The following ARFGEF1 variants were observed in gnomAD, a reference collection of about 807,000 sequenced individuals.
ARFGEF1 encodes ARF guanine nucleotide exchange factor 1, also known as brefeldin A-inhibited guanine nucleotide-exchange protein 1.
ARFGEF1 carries 42 observed loss-of-function variants against 231.0 expected under a neutral mutation model. The ratio of observed to expected loss-of-function variants is 0.18; its 90% CI spans 0.14 to 0.24. ARFGEF1 has a LOEUF of 0.24. ARFGEF1 is among the 10% of genes least tolerant of loss of function. ARFGEF1 has a pLI of 1.00. For missense variants in ARFGEF1, 1,345 were observed against 2,192.0 expected (o/e 0.61, Z 7.72); for synonymous variants, 710 against 732.3 (o/e 0.97, Z 0.49).
intron 10 of ARFGEF1, 137 bp downstream of exon 10, chr8:67,271,565 G>C: frequency 1.5e-6 from 1 of 672,512 alleles, no homozygotes; most frequent in Non-Finnish European, 2.5e-6. Context: ...TTGAACAGGT[G>C]AATGAAAAAA....
At position 67,198,821 on chromosome 8, in the gene ARFGEF1, G is replaced by GT; in HGVS notation, c.*112dup. The GT allele has an allele frequency of 6.7e-7, 1 of 1,494,038 alleles. No homozygotes were observed. Among genetic ancestry groups the GT allele is most frequent in the Non-Finnish European group, 8.9e-7 (1 of 1,127,220 alleles). 92.5% of individuals were successfully genotyped at this position (1,494,038 alleles called of 1,614,324 possible). A position where few individuals can be genotyped will look rare whatever the true frequency, so the allele number is the denominator to read the frequency against. ...GTAAGACTTCTAAGCATCTTTACCAGTAACTCAGACACTGCAATCCAGAGA... is the reference window on the plus strand; with the variant it reads ...GTAAGACTTCTAAGCATCTTTACCAGTTAACTCAGACACTGCAATCCAGAGA... On this transcript the variant is annotated 3_prime_UTR_variant, in exon 39 of 39. Coordinates refer to ENST00000262215, the MANE Select transcript of ARFGEF1 (RefSeq NM_006421.5).
intron 1 of ARFGEF1, among the ~76,000 whole-genome samples, chr8:67,326,515 T>C (rs994181495): frequency 3.3e-5 from 5 of 152,238 alleles, no homozygotes; most frequent in Admixed American, 3.3e-4. Context: ...TACACACCTT[T>C]CTTAACTTAG....
chr8:67,203,959 TCA>T (rs1199121813), intron 35 of ARFGEF1, among the ~76,000 whole-genome samples: 3 of 152,274 alleles, frequency 2.0e-5, no homozygotes, highest in Non-Finnish European at 4.4e-5. Context: ...CTATCTCCAC[TCA>T]CTCAAAAACA....
chr8:67,327,527 C>G lies in ARFGEF1; in HGVS notation c.124+15637G>C, dbSNP rs1807891865. ...TATAGATGGGGTTTCACCACGTTGGCCAGGCTGGTCTCAAACTCCTGACTT... is the reference window on the plus strand; with the variant it reads ...TATAGATGGGGTTTCACCACGTTGGGCAGGCTGGTCTCAAACTCCTGACTT... On this transcript the variant is annotated intron_variant, in intron 1 of 38. Transcript: ENST00000262215. Among the ~76,000 whole-genome samples the G allele has an allele frequency of 2.0e-5, 3 of 152,064 alleles. No individual in the cohort carries two copies. The South Asian group carries it at 6.2e-4, about 31-fold the overall frequency.
chr8:67,204,668 C>T lies in ARFGEF1; in HGVS notation c.4959+12G>A, dbSNP rs1355035723. The T allele has an allele frequency of 6.2e-7, 1 of 1,606,388 alleles. No individual in the cohort carries two copies. Among genetic ancestry groups the T allele is most frequent in the Non-Finnish European group, 8.5e-7 (1 of 1,175,690 alleles). The stretch of plus-strand genomic sequence containing the variant: ...TTACACAAAAAAAGCAGCTGTCCTC[C>T]TATCTCCTTACCTGTGCTGCAGCTA... On this transcript the variant is annotated intron_variant, in intron 35 of 38. Transcript: ENST00000262215.
rs140089377 is a variant in ARFGEF1, at chr8:67,284,078, G to A, written c.1027+3877C>T. On this transcript the variant is annotated intron_variant, in intron 7 of 38. Transcript: ENST00000262215. ...GTAACAGCAAAACACTGGAAACAAC[G>A]TAAGTACAACAGGGGGCTGGCTGAA... 7.2e-5 allele frequency among the ~76,000 whole-genome samples: 11 copies of A among 152,270 alleles called. No homozygotes were observed. In the East Asian group the frequency reaches 1.3e-3, roughly 19 times the overall value.
intron 1 of ARFGEF1, among the ~76,000 whole-genome samples, chr8:67,329,577 A>AAAT (rs1563919118): frequency 2.0e-4 from 29 of 147,456 alleles, no homozygotes; most frequent in African/African-American, 7.0e-4. Flanking sequence ...AATAAATAAA[A>AAAT]AGAATTTTTT....
chr8:67,271,016 C>T (rs1400217727), intron 10 of ARFGEF1, among the ~76,000 whole-genome samples: 3 of 116,890 alleles, frequency 2.6e-5, no homozygotes, highest in African/African-American at 3.5e-5. Context: ...AAGAGGGAAA[C>T]TCCATCTCCA....
chr8:67,176,460 A>G (rs558213122), intron 5 of ARFGEF1, among the ~76,000 whole-genome samples: 72 of 152,292 alleles, frequency 4.7e-4, no homozygotes, highest in Middle Eastern at 6.8e-3. Flanking sequence ...TCGTCCCTTC[A>G]TCTGGTACAG....
At chr8:67,337,397 C>G (rs537101126) in intron 1 of ARFGEF1, among the ~76,000 whole-genome samples, 1 of 152,196 alleles carries the variant, frequency 6.6e-6, no homozygotes, top group South Asian at 2.1e-4. Flanking sequence ...CTCTGTTAAC[C>G]AACCCATCAG....
At position 67,238,394 on chromosome 8, in the gene ARFGEF1, G is replaced by A; in HGVS notation, c.3238C>T (p.Leu1080Phe). 1.2e-6 allele frequency: 2 copies of A among 1,613,594 alleles called. No homozygotes were observed. Among genetic ancestry groups the A allele is most frequent in the Non-Finnish European group, 8.5e-7 (1 of 1,179,826 alleles). Residue 1080 changes from leucine (L) to phenylalanine (F), a missense_variant, in exon 22 of 39, where the codon CTT becomes TTT. Transcript: ENST00000262215. Reference protein sequence around the residue: ...SGTVRGREGSLTGTKDQAPDE... With the variant: ...SGTVRGREGSFTGTKDQAPDE... ...GGAGCCTGATCTTTTGTTCCAGTAAGAGATCCTTCTCTGCCTCGCACTGTT... is the reference window on the plus strand; with the variant it reads ...GGAGCCTGATCTTTTGTTCCAGTAAAAGATCCTTCTCTGCCTCGCACTGTT...
rs778113322 is a variant in ARFGEF1 at position 67,203,099 on chromosome 8, AGTCCTCT to A, written c.5105_5111del (p.Gln1702LeufsTer17). ...GCAGCTTACCTGCTTTCCACAGGGC[AGTCCTCT>A]GTTCGTTGTTGGAATTAAACGCTTT... On this transcript the variant is annotated frameshift_variant, in exon 36 of 39. Transcript: ENST00000262215. LOFTEE classifies it high-confidence loss of function. 1 of 1,613,712 alleles carries A rather than the reference AGTCCTCT, an allele frequency of 6.2e-7. No homozygotes were observed. Among genetic ancestry groups the A allele is most frequent in the Admixed American group, 1.7e-5 (1 of 59,974 alleles).
intron 19 of ARFGEF1, among the ~76,000 whole-genome samples, chr8:67,242,965 G>C (rs1183039424): frequency 6.6e-6 from 1 of 152,204 alleles, no homozygotes; most frequent in African/African-American, 2.4e-5. Flanking sequence ...GGGAAGCACT[G>C]TGTCTTGTAG....
chr8:67,271,333 G>A (rs558281841), intron 10 of ARFGEF1, among the ~76,000 whole-genome samples: 1 of 152,140 alleles, frequency 6.6e-6, no homozygotes, highest in Admixed American at 6.5e-5. Flanking sequence ...TTAAAATAAT[G>A]GAGATGCAAT....
intron 23 of ARFGEF1, among the ~76,000 whole-genome samples, chr8:67,230,672 AAAACTATGATGCT>A (rs1482509166): frequency 2.6e-5 from 4 of 152,094 alleles, no homozygotes; most frequent in African/African-American, 9.7e-5. Flanking sequence ...CATAAAGAGA[AAAACTATGATGCT>A]AAATAATTGT....
intron 1 of ARFGEF1, among the ~76,000 whole-genome samples, chr8:67,340,306 A>C (rs1047606951): frequency 6.6e-6 from 1 of 152,208 alleles, no homozygotes; most frequent in Non-Finnish European, 1.5e-5. Context: ...AAGGGTTATA[A>C]CACCACCCAC....
chr8:67,213,092 A>G (rs1838807699), intron 33 of ARFGEF1, among the ~76,000 whole-genome samples: 1 of 152,204 alleles, frequency 6.6e-6, no homozygotes, highest in African/African-American at 2.4e-5. Context: ...TCAGCACAAC[A>G]GAGTCATGGA....
intron 9 of ARFGEF1, 88 bp from the exon 10 acceptor site, chr8:67,272,024 A>G: frequency 2.6e-6 from 2 of 758,368 alleles, no homozygotes; most frequent in Non-Finnish European, 4.2e-6. Flanking sequence ...CCAGATACAC[A>G]TAATCATAAT....
At chr8:67,230,877 A>G (rs911723049) in intron 23 of ARFGEF1, among the ~76,000 whole-genome samples, 1 of 152,106 alleles carries the variant, frequency 6.6e-6, no homozygotes, top group Admixed American at 6.6e-5. Flanking sequence ...TTCTAATAAT[A>G]CAAGATTCCT....
Sources: allele counts gnomAD v4.1 joint callset (sites outside exome capture counted in the v4.1 genomes callset), GRCh38; gene constraint gnomAD v4.1.1; transcripts MANE v1.5; gene names NCBI Gene and HGNC (gene_info 2026-07-23, HGNC 2026-07-21).